Variants in SCYL1 observed in about 807,000 individuals in gnomAD.
The protein encoded by SCYL1 is N-terminal kinase-like protein.
SCYL1 carries 85 observed loss-of-function variants against 94.8 expected under a neutral mutation model. The observed-to-expected ratio is 0.90, with a 90% CI of 0.75 to 1.07. SCYL1 has a LOEUF of 1.07. SCYL1 is among the 50% of genes least tolerant of loss of function. The pLI, the probability that SCYL1 is intolerant of heterozygous loss-of-function variation, is 0.00. For synonymous variants in SCYL1, 459 were observed against 435.5 expected, an observed-to-expected ratio of 1.05 and a Z score of -0.67; for missense variants, 968 against 1,083.3, an observed-to-expected ratio of 0.89 and a Z score of 1.49.
intron 9 of SCYL1, among the ~76,000 whole-genome samples, chr11:65,534,729 G>C (rs1855556529): frequency 1.3e-5 from 2 of 152,192 alleles, no homozygotes; most frequent in Non-Finnish European, 2.9e-5. Flanking sequence ...CCGGGTGTGT[G>C]AACGTTAGAG....
At chr11:65,533,888 C>T (rs1203912073) in intron 9 of SCYL1, among the ~76,000 whole-genome samples, 1 of 152,156 alleles carries the variant, frequency 6.6e-6, no homozygotes. Flanking sequence ...AGTTTGAGAC[C>T]AGCCTGGCCA....
At position 65,525,198 on chromosome 11, in the gene SCYL1, G is replaced by T; in HGVS notation, c.45G>T (p.Glu15Asp). Residue 15 changes from glutamate (E) to aspartate (D), a missense_variant, in exon 1 of 18, where the codon GAG (glutamate) becomes GAT (aspartate). Physicochemically the swap from Glu to Asp is conservative, Grantham distance 45. This residue lies in a region of SCYL1 where 494 missense variants were observed against 619.7 expected (regional missense o/e 0.80). Transcript: ENST00000270176. ...ACCCGGTCCGGGACTTTCCGTTCGAGCTCATCCCGGAGCCCCCAGAGGGCG... is the reference window on the plus strand; with the variant it reads ...ACCCGGTCCGGGACTTTCCGTTCGATCTCATCCCGGAGCCCCCAGAGGGCG... ...ARDPVRDFPF[E>D]LIPEPPEGGL... is the part of the protein sequence containing the mutation. 6.9e-7 allele frequency: 1 copy of T among 1,457,260 alleles called. No homozygotes were observed. The allele number at this position is 1,457,260 out of a possible 1,614,324, so 90.3% of individuals were successfully genotyped here.
Position 65,537,828 on chromosome 11 carries a change from T to G in SCYL1, c.1979T>G (p.Leu660Arg). ...CTGCAGCAGGAGGCCGAGTCTGTGC[T>G]GGCCCAGCAGGACGACTGGAGCACC... ...GSLEQEAESV[L>R]AQQDDWSTGG... The change falls in exon 15 of 18, where the codon CTG becomes CGG. Residue 660 changes from leucine (L) to arginine (R), a missense_variant. Physicochemically the swap from Leu to Arg is moderately radical, Grantham distance 102 (BLOSUM62 -2). This residue lies in a region of SCYL1 where 474 missense variants were observed against 463.6 expected (regional missense o/e 1.02). Coordinates refer to ENST00000270176, the MANE Select transcript of SCYL1 (RefSeq NM_020680.4). 1 of 1,569,676 alleles carries G rather than the reference T, an allele frequency of 6.4e-7. No individual in the cohort carries two copies. The highest frequency in any genetic ancestry group is 2.3e-5 in the East Asian group (1 of 42,896).
At position 65,534,835 on chromosome 11, in the gene SCYL1, CAG is replaced by C. The variant is rs1219340392; in HGVS notation, c.1231-391_1231-390del. On this transcript the variant is annotated intron_variant, in intron 9 of 17. Transcript: ENST00000270176. ...ACCAAAGTTTCAGGGAGGGAAAACT[CAG>C]GGGTGTCAGAACTGCTGAGGGTCAA... Among the ~76,000 whole-genome samples, 9 of 152,198 alleles carry C rather than the reference CAG, an allele frequency of 5.9e-5. 1 individual carries two copies. The East Asian group carries it at 1.7e-3, about 29-fold the overall frequency.
chr11:65,529,524 G>A (rs1372723658), intron 6 of SCYL1, among the ~76,000 whole-genome samples: 3 of 152,196 alleles, frequency 2.0e-5, no homozygotes, highest in East Asian at 3.8e-4. Flanking sequence ...CCTTGGCCCC[G>A]CTGAACCATG....
intron 6 of SCYL1, among the ~76,000 whole-genome samples, chr11:65,529,995 G>C (rs954675713): frequency 6.6e-5 from 10 of 152,162 alleles, no homozygotes; most frequent in Non-Finnish European, 1.5e-4. Flanking sequence ...CTGTGCTCCA[G>C]AAATATGAAT....
intron 8 of SCYL1, 125 bp from the exon 9 acceptor site, chr11:65,532,567 T>G: frequency 1.3e-6 from 1 of 742,354 alleles, no homozygotes; most frequent in South Asian, 1.7e-5. Flanking sequence ...GGGTGGTGGC[T>G]CAGGAGGTTG....
chr11:65,526,439 G>C lies in SCYL1; in HGVS notation c.602+89G>C. The stretch of plus-strand genomic sequence containing the variant: ...CTCCTAGACTAGTTGGCACTCCCCT[G>C]TTCCCTGCTGCCTGGCTGGGGAGGG... On this transcript the variant is annotated intron_variant, in intron 4 of 17. Transcript: ENST00000270176. The surrounding 1 kb of genome is among the most constrained non-coding windows in gnomAD (Gnocchi z 4.1). 1 of 1,052,476 alleles carries C rather than the reference G, an allele frequency of 9.5e-7. No individual in the cohort carries two copies. Among genetic ancestry groups the C allele is most frequent in the Non-Finnish European group, 1.4e-6 (1 of 729,712 alleles). 65.2% of individuals were successfully genotyped at this position (1,052,476 alleles called of 1,614,324 possible). A position where few individuals can be genotyped will look rare whatever the true frequency, so the allele number is the denominator to read the frequency against.
chr11:65,527,225 T>A, intron 6 of SCYL1, 108 bp downstream of exon 6: 1 of 1,294,990 alleles, frequency 7.7e-7, no homozygotes, highest in Non-Finnish European at 1.1e-6. Flanking sequence ...GCATGGACTG[T>A]GGAGTTAGGC....
intron 7 of SCYL1, 116 bp from the exon 8 acceptor site, chr11:65,531,456 GCCCC>G: frequency 1.4e-6 from 1 of 718,968 alleles, no homozygotes; most frequent in Non-Finnish European, 2.4e-6. Flanking sequence ...GGAAATGCCT[GCCCC>G]CCCCTCCGCC....
Position 65,525,150 on chromosome 11 carries a change from G to C in SCYL1, c.-4G>C. 7.5e-7 allele frequency: 1 copy of C among 1,338,274 alleles called. No homozygotes were observed. The highest frequency in any genetic ancestry group is 9.7e-7 in the Non-Finnish European group (1 of 1,035,222). 82.9% of individuals were successfully genotyped at this position (1,338,274 alleles called of 1,614,324 possible). A position where few individuals can be genotyped will look rare whatever the true frequency, so the allele number is the denominator to read the frequency against. On this transcript the variant is annotated 5_prime_UTR_variant, in exon 1 of 18. Coordinates refer to ENST00000270176, the MANE Select transcript of SCYL1 (RefSeq NM_020680.4). The stretch of plus-strand genomic sequence containing the variant: ...CGCCCGAACCCGCGGCGGCGGTGGG[G>C]ACGATGTGGTTCTTTGCCCGGGACC...
At position 65,538,086 on chromosome 11, in the gene SCYL1, C is replaced by G. The variant is rs758250704; in HGVS notation, c.2151C>G (p.Asp717Glu). The G allele has an allele frequency of 8.7e-6, 14 of 1,606,674 alleles. No homozygotes were observed. Among genetic ancestry groups the G allele is most frequent in the Admixed American group, 1.7e-5 (1 of 58,844 alleles). The change falls in exon 16 of 18, where the codon GAC (aspartate) becomes GAG (glutamate). Residue 717 changes from aspartate (D) to glutamate (E), a missense_variant. Transcript: ENST00000270176. ...QEPSSQEPPPDGTRLASEYNW... is the reference protein window; with the variant it reads ...QEPSSQEPPPEGTRLASEYNW... ...CAAGCTCCCAGGAGCCACCTCCTGA[C>G]GGTACACGGCTGGCCAGCGAGTATA...
chr11:65,527,099 C>G lies in SCYL1; in HGVS notation c.831C>G (p.Leu277=). ...GCAACCGCTTTGTAGAAACCAACCT[C>G]TTCCTGGAGGAGATTCAGGTGAGCC... is the stretch of plus-strand genomic sequence containing the variant. ...FMSNRFVETN[L]FLEEIQIKEP... The change falls in exon 6 of 18, where the codon CTC becomes CTG. Residue 277 remains leucine, a synonymous_variant. Transcript: ENST00000270176. 1.2e-6 allele frequency: 2 copies of G among 1,613,542 alleles called. No individual in the cohort carries two copies. Among genetic ancestry groups the G allele is most frequent in the Non-Finnish European group, 1.7e-6 (2 of 1,179,928 alleles).
At chr11:65,535,650 C>T (rs779778044) in intron 10 of SCYL1, 10 of 589,220 alleles carry the variant, frequency 1.7e-5, no homozygotes, top group African/African-American at 7.4e-5. Flanking sequence ...AGTTGCTTGC[C>T]GTGCCCAGAC....
rs1855858418 is a variant in SCYL1 at position 65,538,603 on chromosome 11, G to A, written c.*37G>A. 3 of 1,595,628 alleles carry A rather than the reference G, an allele frequency of 1.9e-6. No individual in the cohort carries two copies. The highest frequency in any genetic ancestry group is 1.1e-5 in the South Asian group (1 of 89,244). On this transcript the variant is annotated 3_prime_UTR_variant, in exon 18 of 18. Transcript: ENST00000270176. ...GGCCCTTCCCGGCTGCGGAGAGCCC[G>A]CCCCACAGATGTATTTATTGTACAA...
chr11:65,531,449 A>AT (rs1220788460), intron 7 of SCYL1, 127 bp from the exon 8 acceptor site: 6 of 702,234 alleles, frequency 8.5e-6, no homozygotes, highest in Admixed American at 4.2e-5. Context: ...CTACTGAGGA[A>AT]ATGCCTGCCC....
intron 8 of SCYL1, among the ~76,000 whole-genome samples, 168 bp from the exon 9 acceptor site, chr11:65,532,524 C>T (rs1043275210): frequency 6.6e-6 from 1 of 152,082 alleles, no homozygotes; most frequent in Non-Finnish European, 1.5e-5. Flanking sequence ...GGCCTTTCCT[C>T]ACTCCTCCAC....
At chr11:65,537,181 C>G in intron 14 of SCYL1, 53 bp downstream of exon 14, 1 of 1,603,320 alleles carries the variant, frequency 6.2e-7, no homozygotes. Context: ...AATCCACAGG[C>G]TGCCATTCAG....
In SCYL1 at chr11:65,531,798, C is replaced by T. The variant is rs1289343863; in HGVS notation, c.1116+115C>T. 3 of 740,584 alleles carry T rather than the reference C, an allele frequency of 4.1e-6. No homozygotes were observed. The South Asian group carries it at 4.5e-5, about 11-fold the overall frequency. The allele number at this position is 740,584 out of a possible 1,614,324, so 45.9% of individuals were successfully genotyped here. On this transcript the variant is annotated intron_variant, in intron 8 of 17. Transcript: ENST00000270176. ...CAGAAACCCCACCCCTGAACATACA[C>T]ACAACTGAGGGACCCAATGAGGCCA...
Sources: gnomAD v4.1 joint callset for allele counts (sites outside exome capture counted in the v4.1 genomes callset) on GRCh38, gnomAD v4.1.1 for gene constraint, gnomAD v4.1.1 regional missense constraint, Gnocchi (gnomAD v3.1) non-coding constraint, MANE v1.5 for transcripts, NCBI Gene and HGNC (gene_info 2026-07-23, HGNC 2026-07-21) for gene names.